The following HERC1 variants were observed in gnomAD, a reference collection of about 807,000 sequenced individuals.
HERC1 encodes the protein HECT and RLD domain containing E3 ubiquitin protein ligase family member 1.
HERC1 carries 160 observed loss-of-function variants against 554.3 expected under a neutral mutation model. That is an observed-to-expected ratio of 0.29 (90% CI 0.25 to 0.33). The LOEUF (loss-of-function observed/expected upper bound fraction) is 0.33, where lower values mean the gene tolerates loss of function less well. Among genes scored for constraint, HERC1 ranks in the 10% least tolerant of loss-of-function variants. The pLI is 1.00. For missense variants in HERC1, 4,919 were observed against 5,918.5 expected (o/e 0.83, Z 5.54); for synonymous variants, 2,175 against 2,131.7 (o/e 1.02, Z -0.56).
intron 1 of HERC1, among the ~76,000 whole-genome samples, chr15:63,808,144 A>G (rs2077189960): frequency 6.6e-6 from 1 of 150,872 alleles, no homozygotes; most frequent in South Asian, 2.1e-4. Context: ...AAAATACATC[A>G]CTACAATGTC....
At chr15:63,733,570 A>C (rs1427695398) in intron 13 of HERC1, among the ~76,000 whole-genome samples, 1 of 152,234 alleles carries the variant, frequency 6.6e-6, no homozygotes, top group Non-Finnish European at 1.5e-5. Flanking sequence ...AATCATCTGT[A>C]GGCTGGGCGC....
chr15:63,801,160 T>G (rs1345106493), intron 1 of HERC1, among the ~76,000 whole-genome samples: 1 of 152,196 alleles, frequency 6.6e-6, no homozygotes, highest in African/African-American at 2.4e-5. Context: ...TCCCATTTGG[T>G]TATTCCTGAG....
chr15:63,628,040 A>C (rs2068378407), intron 70 of HERC1, among the ~76,000 whole-genome samples: 1 of 152,216 alleles, frequency 6.6e-6, no homozygotes, highest in African/African-American at 2.4e-5. Flanking sequence ...CAGGGCTTTT[A>C]ATCTTTATTT....
rs573914488 is a variant in HERC1, at chr15:63,829,147, T to G, written c.-27+4680A>C. The stretch of plus-strand genomic sequence containing the variant: ...TATATATAGAATACAGGCAGGGTAC[T>G]GTGGCTCACGCATGGAATCCCAACA... On this transcript the variant is annotated intron_variant, in intron 1 of 77. Transcript: ENST00000443617. 2.8e-4 allele frequency among the ~76,000 whole-genome samples: 42 copies of G among 152,136 alleles called. 1 individual carries two copies. The East Asian group carries it at 4.1e-3, about 15-fold the overall frequency.
At chr15:63,675,247 A>G in intron 37 of HERC1, 130 bp from the exon 38 acceptor site, 1 of 696,638 alleles carries the variant, frequency 1.4e-6, no homozygotes, top group East Asian at 2.7e-5. Context: ...CACAAACTAG[A>G]GAAATCATTA....
Position 63,725,490 on chromosome 15 carries a change from C to A in HERC1, c.3370G>T (p.Ala1124Ser), listed in dbSNP as rs2074003138. The stretch of plus-strand genomic sequence containing the variant: ...GCTGGCTGAGGTAATGGCAGACCAG[C>A]AGGATCAATTAGTTCTGGCCCTCCT... ...LHGGPELIDP[A>S]GLPLPQPAQS... Residue 1124 changes from alanine (A) to serine (S), a missense_variant, in exon 18 of 78, where the codon GCT becomes TCT. Physicochemically the swap from Ala to Ser is moderately conservative, Grantham distance 99. Coordinates refer to ENST00000443617, the MANE Select transcript of HERC1 (RefSeq NM_003922.4). 9 of 1,613,748 alleles carry A rather than the reference C, an allele frequency of 5.6e-6. No homozygotes were observed. The South Asian group carries it at 9.9e-5, about 18-fold the overall frequency.
intron 8 of HERC1, among the ~76,000 whole-genome samples, chr15:63,750,812 G>T (rs1439312919): frequency 6.6e-6 from 1 of 152,088 alleles, no homozygotes; most frequent in Non-Finnish European, 1.5e-5. Flanking sequence ...ACAGGCCTGT[G>T]GTCCCAGCTA....
At chr15:63,821,447 T>G (rs1187590370) in intron 1 of HERC1, among the ~76,000 whole-genome samples, 2 of 151,384 alleles carry the variant, frequency 1.3e-5, no homozygotes, top group Admixed American at 1.3e-4. Flanking sequence ...TCCCAGCTAC[T>G]TGGGAAGCTA....
chr15:63,651,099 T>C (rs563714220), intron 53 of HERC1, among the ~76,000 whole-genome samples, 154 bp downstream of exon 53: 15 of 152,336 alleles, frequency 9.8e-5, no homozygotes, highest in Non-Finnish European at 1.9e-4. Context: ...CCTCTCTAAT[T>C]TGAAGCACAC....
At chr15:63,713,307 A>C (rs188858348) in intron 23 of HERC1, 46 bp downstream of exon 23, 1 of 1,475,080 alleles carries the variant, frequency 6.8e-7, no homozygotes, top group East Asian at 2.3e-5. Flanking sequence ...ATAAAGTAAT[A>C]AAGGGAAGTG....
intron 12 of HERC1, among the ~76,000 whole-genome samples, chr15:63,739,355 G>A (rs1356109768): frequency 6.6e-6 from 1 of 151,594 alleles, no homozygotes; most frequent in Non-Finnish European, 1.5e-5. Flanking sequence ...ACGCCACAAC[G>A]CCAGGCTAAT....
chr15:63,671,886 C>T (rs1002028067), intron 39 of HERC1, among the ~76,000 whole-genome samples: 5 of 152,204 alleles, frequency 3.3e-5, no homozygotes, highest in African/African-American at 1.2e-4. Flanking sequence ...GCTCATAAAA[C>T]AGTCTCTTCC....
Position 63,755,317 on chromosome 15 carries a change from A to G in HERC1, c.1542T>C (p.Val514=). The G allele has an allele frequency of 6.2e-7, 1 of 1,612,824 alleles. No homozygotes were observed. Among genetic ancestry groups the G allele is most frequent in the Non-Finnish European group, 8.5e-7 (1 of 1,178,820 alleles). The part of the protein sequence containing the change: ...IQGPLQGKVV[V]CVSAGYRHSA... ...TATGTCTGTATCCAGCTGACACACA[A>G]ACAACTACCTGCATTGCACACAAGT... Residue 514 remains valine (V), a synonymous_variant, in exon 6 of 78, where the codon GTT becomes GTC. Transcript: ENST00000443617.
At chr15:63,722,442 A>C (rs539149817) in intron 19 of HERC1, among the ~76,000 whole-genome samples, 8 of 152,378 alleles carry the variant, frequency 5.3e-5, no homozygotes, top group African/African-American at 1.9e-4. Context: ...CACGGAATAT[A>C]ACAGTCTCCC....
At chr15:63,745,079 C>A (rs1356490111) in intron 12 of HERC1, among the ~76,000 whole-genome samples, 1 of 152,170 alleles carries the variant, frequency 6.6e-6, no homozygotes, top group African/African-American at 2.4e-5. Flanking sequence ...GGGAGACTTG[C>A]GACTCTGACT....
intron 70 of HERC1, among the ~76,000 whole-genome samples, chr15:63,626,447 A>G (rs573452358): frequency 6.6e-6 from 1 of 152,226 alleles, no homozygotes; most frequent in African/African-American, 2.4e-5. Flanking sequence ...AATAGAACTT[A>G]GGCAGTTCTT....
At chr15:63,690,772 T>G in intron 31 of HERC1, 125 bp from the exon 32 acceptor site, 1 of 634,268 alleles carries the variant, frequency 1.6e-6, no homozygotes, top group East Asian at 2.8e-5. Flanking sequence ...GATTTCAAAC[T>G]ATTATCGCAA....
At chr15:63,666,306 G>T in intron 41 of HERC1, 50 bp downstream of exon 41, 1 of 1,432,310 alleles carries the variant, frequency 7.0e-7, no homozygotes, top group Non-Finnish European at 9.7e-7. Flanking sequence ...TCTTTAATAA[G>T]CTAGGACTTC....
Position 63,749,506 on chromosome 15 carries a change from T to C in HERC1, c.2080A>G (p.Met694Val). The change falls in exon 10 of 78, where the codon ATG (methionine) becomes GTG (valine). Residue 694 changes from methionine to valine, a missense_variant. Met to Val is a conservative substitution (Grantham distance 21). This residue lies in a region of HERC1 where 744 missense variants were observed against 1,090.0 expected (regional missense o/e 0.68). Transcript: ENST00000443617. This position sits in a 1 kb window ranked among gnomAD's most constrained non-coding sequence, Gnocchi z 4.1. Reference sequence around the variant, plus strand: ...GAATTTCCCTGACCACATTGCCCCATTGAGTTATTGCCCCAGGCATAAACT... The same window carrying C: ...GAATTTCCCTGACCACATTGCCCCACTGAGTTATTGCCCCAGGCATAAACT... ...NEVYAWGNNS[M>V]GQCGQGNSTG... 3 of 1,612,806 alleles carry C rather than the reference T, an allele frequency of 1.9e-6. No individual in the cohort carries two copies. The highest frequency in any genetic ancestry group is 1.1e-5 in the South Asian group (1 of 90,768).
Sources: allele counts gnomAD v4.1 joint callset (sites outside exome capture counted in the v4.1 genomes callset), GRCh38; gene constraint gnomAD v4.1.1; regional missense constraint gnomAD v4.1.1; non-coding constraint Gnocchi (gnomAD v3.1); transcripts MANE v1.5; gene names NCBI Gene and HGNC (gene_info 2026-07-23, HGNC 2026-07-21).